The following NXPE1 variants were observed in gnomAD, a reference collection of about 807,000 sequenced individuals.
NXPE1 encodes the protein NXPE family member 1.
A neutral mutation model predicts 33.3 loss-of-function variants in NXPE1; 31 were observed. That is an observed-to-expected ratio of 0.93 (90% CI 0.70 to 1.26). The LOEUF (loss-of-function observed/expected upper bound fraction) is 1.26. Ranked by LOEUF, NXPE1 falls within the 50% of genes most tolerant of loss-of-function variation. The probability of loss-of-function intolerance (pLI) is 0.00; values close to 1 mark genes in which losing one functional copy is unlikely to be tolerated. For synonymous variants in NXPE1, 229 were observed against 231.4 expected (o/e 0.99, Z 0.09); for missense variants, 661 against 655.6 (o/e 1.01, Z -0.09).
chr11:114,555,231 AT>A (rs377654965), intron 1 of NXPE1, among the ~76,000 whole-genome samples: 5 of 149,850 alleles, frequency 3.3e-5, no homozygotes, highest in African/African-American at 9.8e-5. Flanking sequence ...AGAATACATG[AT>A]TTTTTTTTTG....
exon 6 of NXPE1, chr11:114,530,477 G>A: frequency 6.2e-7 from 1 of 1,614,210 alleles, no homozygotes; most frequent in South Asian, 1.1e-5. Context: ...GCAGAGACAG[G>A]GAGACCTGGC....
chr11:114,539,697 G>C (rs1006131536), intron 5 of NXPE1, among the ~76,000 whole-genome samples: 1 of 151,654 alleles, frequency 6.6e-6, no homozygotes, highest in Non-Finnish European at 1.5e-5. Flanking sequence ...TTATAAAGAG[G>C]AACTATTTAA....
At chr11:114,518,985 G>A (rs192372965), downstream of NXPE1, among the ~76,000 whole-genome samples, 70 of 152,180 alleles carry the variant, frequency 4.6e-4, no homozygotes, top group Non-Finnish European at 4.9e-4. Flanking sequence ...GTAATGACAG[G>A]TGTATTAATA....
intron 6 of NXPE1, chr11:114,528,926 A>G: frequency 3.9e-6 from 2 of 507,632 alleles, no homozygotes; most frequent in Non-Finnish European, 3.6e-6. Flanking sequence ...GAGATGTACC[A>G]TCAGAGATAA....
At chr11:114,522,200 G>C (rs776200189) in exon 9 of NXPE1, 6 of 1,614,026 alleles carry the variant, frequency 3.7e-6, no homozygotes, top group South Asian at 2.2e-5. Context: ...AATCACTTTA[G>C]TGGCTGGGCT....
At chr11:114,525,634 A>C (rs1038167538) in intron 7 of NXPE1, among the ~76,000 whole-genome samples, 2 of 152,200 alleles carry the variant, frequency 1.3e-5, no homozygotes, top group Non-Finnish European at 2.9e-5. Flanking sequence ...CCTTCTGTGC[A>C]GCACAGTGAA....
rs965936848 is a variant in NXPE1 at position 114,522,637 on chromosome 11, A to G, written c.1109-134T>C. The G allele has an allele frequency of 1.3e-5, 10 of 769,692 alleles. No individual in the cohort carries two copies. In the African/African-American group the frequency reaches 1.8e-4, roughly 14 times the overall value. 47.7% of individuals were successfully genotyped at this position (769,692 alleles called of 1,614,324 possible). ...GGAGCCTTTCTACTCTCTAGGGTAC[A>G]GTACCCCCAGTTCATACATGTAAAA... On this transcript the variant is annotated intron_variant, in intron 8 of 8. Coordinates refer to ENST00000534921, the Ensembl canonical transcript of NXPE1.
intron 5 of NXPE1, among the ~76,000 whole-genome samples, chr11:114,538,102 C>T (rs920594115): frequency 6.6e-5 from 10 of 152,240 alleles, no homozygotes; most frequent in African/African-American, 2.4e-4. Flanking sequence ...TGGAACAGAA[C>T]AGAGCCCTCA....
intron 5 of NXPE1, among the ~76,000 whole-genome samples, chr11:114,532,068 C>T (rs1292289102): frequency 2.6e-5 from 4 of 152,174 alleles, no homozygotes; most frequent in Non-Finnish European, 5.9e-5. Context: ...CAGTAGTTGT[C>T]ATCCCCTCTC....
intron 5 of NXPE1, among the ~76,000 whole-genome samples, chr11:114,538,686 C>G (rs1211420752): frequency 6.6e-6 from 1 of 152,062 alleles, no homozygotes; most frequent in Non-Finnish European, 1.5e-5. Flanking sequence ...TGAAAAAATG[C>G]TCATCATCAC....
Position 114,543,127 on chromosome 11 carries a change from A to G in NXPE1, c.99+7976T>C, listed in dbSNP as rs181983328. Among the ~76,000 whole-genome samples, 367 of 152,172 alleles carry G rather than the reference A, an allele frequency of 2.4e-3. 5 individuals carry two copies. Among genetic ancestry groups the G allele is most frequent in the Middle Eastern group, 0.01 (3 of 294 alleles). On this transcript the variant is annotated intron_variant, in intron 5 of 8. Coordinates refer to ENST00000534921, the Ensembl canonical transcript of NXPE1. The stretch of plus-strand genomic sequence containing the variant: ...AGAAATCACTTTGGGAGGCTGAGGC[A>G]GGCGGATCAGTTGAGGTCAGGAGTT...
rs1466310977 is a variant in NXPE1 at position 114,551,967 on chromosome 11, C to T, written c.-70+7G>A. On this transcript the variant is annotated splice_region_variant and intron_variant, in intron 3 of 8. Transcript: ENST00000534921. ...AAAATGTAAAGCCTTGCCTCTTTGT[C>T]CCTTACCAAATCCTCAGTGAAGTCT... 3 of 152,174 alleles carry T rather than the reference C, an allele frequency of 2.0e-5. No individual in the cohort carries two copies. The highest frequency in any genetic ancestry group is 4.4e-5 in the Non-Finnish European group (3 of 68,030). The allele number at this position is 152,174 out of a possible 1,614,324, so 9.4% of individuals were successfully genotyped here.
chr11:114,538,521 A>G (rs1362864020), intron 5 of NXPE1, among the ~76,000 whole-genome samples: 2 of 152,238 alleles, frequency 1.3e-5, no homozygotes, highest in Non-Finnish European at 2.9e-5. Flanking sequence ...AATTTTTGCA[A>G]CCTACTCATC....
intron 1 of NXPE1, among the ~76,000 whole-genome samples, chr11:114,558,424 G>A (rs968053612): frequency 6.6e-6 from 1 of 152,028 alleles, no homozygotes; most frequent in African/African-American, 2.4e-5. Flanking sequence ...ATTTTACTAT[G>A]TGTAATTAAA....
At position 114,556,915 on chromosome 11, in the gene NXPE1, C is replaced by T. The variant is rs541308891; in HGVS notation, c.-211+2883G>A. On this transcript the variant is annotated intron_variant, in intron 1 of 8. Coordinates refer to ENST00000534921, the Ensembl canonical transcript of NXPE1. ...TTTTGACTTTTTTTTTTTTTTGAGA[C>T]AGAGTCTCACTCTGTTGCCCAAGTT... 1.0e-4 allele frequency among the ~76,000 whole-genome samples: 15 copies of T among 146,240 alleles called. No individual in the cohort carries two copies. The South Asian group carries it at 3.2e-3, about 32-fold the overall frequency.
At chr11:114,536,637 G>A (rs1947837422) in intron 5 of NXPE1, among the ~76,000 whole-genome samples, 1 of 152,200 alleles carries the variant, frequency 6.6e-6, no homozygotes, top group Non-Finnish European at 1.5e-5. Context: ...ACTACCATCA[G>A]AGAATACTAT....
chr11:114,534,874 A>G (rs1316918011), intron 5 of NXPE1, among the ~76,000 whole-genome samples: 1 of 152,252 alleles, frequency 6.6e-6, no homozygotes, highest in East Asian at 1.9e-4. Flanking sequence ...ATTATCCAGG[A>G]GAACTTCCCC....
chr11:114,557,430 T>C (rs1216739893), intron 1 of NXPE1, among the ~76,000 whole-genome samples: 1 of 151,880 alleles, frequency 6.6e-6, no homozygotes, highest in Non-Finnish European at 1.5e-5. Flanking sequence ...TTTCTTGCTA[T>C]AGTCAGGCAT....
At chr11:114,544,931 G>T (rs1318241512) in intron 5 of NXPE1, among the ~76,000 whole-genome samples, 1 of 152,082 alleles carries the variant, frequency 6.6e-6, no homozygotes, top group Admixed American at 6.5e-5. Flanking sequence ...CACCAAAGAA[G>T]AGACACGCAT....
Sources: allele counts gnomAD v4.1 joint callset (sites outside exome capture counted in the v4.1 genomes callset), GRCh38; gene constraint gnomAD v4.1.1; transcripts MANE v1.5; gene names NCBI Gene and HGNC (gene_info 2026-07-23, HGNC 2026-07-21).